Variants in GLG1 observed in about 807,000 individuals in gnomAD.
GLG1 encodes the protein Golgi apparatus protein 1.
In GLG1, 38 loss-of-function variants were observed where a neutral mutation model predicts 160.5. The ratio of observed to expected loss-of-function variants is 0.24; its 90% CI spans 0.18 to 0.31. The LOEUF is 0.31. Among genes scored for constraint, GLG1 ranks in the 10% least tolerant of loss-of-function variants. The pLI, the probability that GLG1 is intolerant of heterozygous loss-of-function variation, is 1.00. For missense variants in GLG1, 1,373 were observed against 1,505.2 expected (o/e 0.91, Z 1.45); for synonymous variants, 644 against 543.4 (o/e 1.19, Z -2.57).
At chr16:74,481,152 A>G (rs2015584870) in intron 10 of GLG1, among the ~76,000 whole-genome samples, 1 of 152,232 alleles carries the variant, frequency 6.6e-6, no homozygotes, top group Non-Finnish European at 1.5e-5. Context: ...TATTAGATTC[A>G]GTAAGATCAG....
intron 1 of GLG1, among the ~76,000 whole-genome samples, chr16:74,565,854 T>C (rs1021628923): frequency 2.0e-5 from 3 of 152,198 alleles, no homozygotes; most frequent in African/African-American, 7.2e-5. Context: ...CTAAAAAGTT[T>C]GGTTTAGGTT....
intron 17 of GLG1, chr16:74,468,077 T>A (rs1265807091): frequency 4.3e-6 from 2 of 462,490 alleles, no homozygotes; most frequent in East Asian, 7.2e-5. Context: ...CTGAAACACC[T>A]TATTTAGTCC....
At chr16:74,553,259 G>A (rs1453586798) in intron 1 of GLG1, among the ~76,000 whole-genome samples, 4 of 151,290 alleles carry the variant, frequency 2.6e-5, no homozygotes, top group Non-Finnish European at 4.4e-5. Flanking sequence ...ACAGGGTCTC[G>A]CTATGTTGCC....
At chr16:74,584,714 G>A (rs1958008922) in intron 1 of GLG1, among the ~76,000 whole-genome samples, 5 of 152,026 alleles carry the variant, frequency 3.3e-5, no homozygotes, top group Admixed American at 2.6e-4. Flanking sequence ...TCAAGAGATC[G>A]AGACTACCCT....
Position 74,607,059 on chromosome 16 carries a change from G to T in GLG1, c.36C>A (p.Arg12=). ...AACGRVRRMF[R]LSAALHLLLL... ...GCAGCAGATGCAGCGCCGCCGACAA[G>T]CGGAACATCCTCCGTACACGTCCAC... Residue 12 remains arginine (R), a synonymous_variant, in exon 1 of 26, where the codon CGC becomes CGA. Transcript: ENST00000422840. The T allele has an allele frequency of 1.3e-6, 2 of 1,586,408 alleles. No individual in the cohort carries two copies. The highest frequency in any genetic ancestry group is 2.3e-5 in the South Asian group (2 of 88,206).
At chr16:74,569,923 CT>C (rs1380955682) in intron 1 of GLG1, among the ~76,000 whole-genome samples, 5 of 150,306 alleles carry the variant, frequency 3.3e-5, no homozygotes, top group Admixed American at 6.6e-5. Flanking sequence ...TGGCTCACAC[CT>C]GTAATTCCAG....
At chr16:74,575,069 A>T (rs1012625582) in intron 1 of GLG1, among the ~76,000 whole-genome samples, 3 of 123,492 alleles carry the variant, frequency 2.4e-5, no homozygotes, top group African/African-American at 9.6e-5. Context: ...CAAGATGGTG[A>T]AATCTCACCT....
chr16:74,493,576 T>C (rs2016079355), intron 6 of GLG1, among the ~76,000 whole-genome samples: 1 of 152,194 alleles, frequency 6.6e-6, no homozygotes, highest in Admixed American at 6.5e-5. Context: ...ATCATCTGAA[T>C]AATAAGATTT....
Position 74,474,612 on chromosome 16 carries a change from G to A in GLG1, c.1986C>T (p.Asp662=), listed in dbSNP as rs1312421298. 6.4e-7 allele frequency: 1 copy of A among 1,565,034 alleles called. No individual in the cohort carries two copies. Among genetic ancestry groups the A allele is most frequent in the East Asian group, 2.2e-5 (1 of 44,646 alleles). ...ETGQELECLQ[D]HLDDLVVECR... is the part of the protein sequence containing the mutation. ...ACTCCACCACCAAGTCATCCAGATG[G>A]TCCTGAAGGCACTCCAGCTCCTGCA... Residue 662 remains aspartate (D), a synonymous_variant, in exon 13 of 26, where the codon GAC becomes GAT. Coordinates refer to ENST00000422840, the MANE Select transcript of GLG1 (RefSeq NM_001145667.2).
At chr16:74,465,546 G>C in intron 19 of GLG1, 130 bp downstream of exon 19, 2 of 869,886 alleles carry the variant, frequency 2.3e-6, no homozygotes, top group Non-Finnish European at 3.6e-6. Flanking sequence ...GGCTCCCAGG[G>C]GGTGCTGCTG....
chr16:74,508,123 G>T (rs972521260), intron 3 of GLG1, among the ~76,000 whole-genome samples: 2 of 152,032 alleles, frequency 1.3e-5, no homozygotes, highest in African/African-American at 4.8e-5. Context: ...ATGAGACAGG[G>T]TCTTCCTTAA....
At chr16:74,540,639 T>C (rs550440433) in intron 1 of GLG1, among the ~76,000 whole-genome samples, 6 of 151,636 alleles carry the variant, frequency 4.0e-5, no homozygotes, top group Admixed American at 3.9e-4. Context: ...AATTTTTTCC[T>C]CCCACCACTC....
At chr16:74,606,596 C>T in intron 1 of GLG1, 61 bp downstream of exon 1, 2 of 1,418,268 alleles carry the variant, frequency 1.4e-6, no homozygotes, top group East Asian at 2.3e-5. Context: ...GCTTCCAAGG[C>T]CGGCAACACC....
At chr16:74,526,534 G>A (rs1285907672) in intron 2 of GLG1, among the ~76,000 whole-genome samples, 2 of 147,808 alleles carry the variant, frequency 1.4e-5, no homozygotes, top group African/African-American at 2.5e-5. Context: ...GGTCAGCCTG[G>A]GCAACAAAGT....
intron 3 of GLG1, among the ~76,000 whole-genome samples, chr16:74,505,460 C>T (rs529468854): frequency 1.7e-4 from 26 of 152,264 alleles, no homozygotes; most frequent in Non-Finnish European, 3.4e-4. Context: ...TGGCTCATGT[C>T]CGTAATCCCA....
At chr16:74,463,627 C>G in intron 19 of GLG1, 148 bp from the exon 20 acceptor site, 2 of 731,044 alleles carry the variant, frequency 2.7e-6, no homozygotes, top group South Asian at 3.5e-5. Flanking sequence ...CAACCTCCGC[C>G]TCCCGAGTTC....
Position 74,483,037 on chromosome 16 carries a change from G to A in GLG1, c.1659C>T (p.Ile553=). The change falls in exon 10 of 26, where the codon ATC becomes ATT. Residue 553 remains isoleucine (I), a synonymous_variant. Transcript: ENST00000422840. ...EHRLLELQYF[I]SRDWKLDPVL... ...AAAATACTCACTTCCAATCCCGGGA[G>A]ATGAAATACTGCAGCTCTAAGAGAC... The A allele has an allele frequency of 1.3e-6, 2 of 1,590,700 alleles. No individual in the cohort carries two copies. The highest frequency in any genetic ancestry group is 1.7e-6 in the Non-Finnish European group (2 of 1,158,756).
At chr16:74,534,096 TTTAA>T (rs1338153522) in intron 1 of GLG1, among the ~76,000 whole-genome samples, 7 of 152,294 alleles carry the variant, frequency 4.6e-5, no homozygotes, top group South Asian at 2.1e-4. Context: ...TAAAATTGAC[TTTAA>T]TTAGGTTGCT....
chr16:74,499,397 C>A (rs1029818464), intron 4 of GLG1, among the ~76,000 whole-genome samples: 1 of 152,136 alleles, frequency 6.6e-6, no homozygotes, highest in Non-Finnish European at 1.5e-5. Flanking sequence ...CACACCACCA[C>A]CCTCAGCTAT....
Sources: gnomAD v4.1 joint callset for allele counts (sites outside exome capture counted in the v4.1 genomes callset) on GRCh38, gnomAD v4.1.1 for gene constraint, MANE v1.5 for transcripts, NCBI Gene and HGNC (gene_info 2026-07-23, HGNC 2026-07-21) for gene names.